The following CDC25C variants were observed in gnomAD, a reference collection of about 807,000 sequenced individuals.
The protein encoded by CDC25C is cell division cycle 25C.
A neutral mutation model predicts 52.5 loss-of-function variants in CDC25C; 48 were observed. The ratio of observed to expected loss-of-function variants is 0.91; its 90% CI spans 0.72 to 1.16. CDC25C has a LOEUF of 1.16. Ranked by LOEUF, CDC25C falls within the 50% of genes most tolerant of loss-of-function variation. CDC25C has a pLI of 0.00. For missense variants in CDC25C, 510 were observed against 566.1 expected (o/e 0.90, Z 1.01); for synonymous variants, 187 against 206.5 (o/e 0.91, Z 0.81).
Position 138,286,503 on chromosome 5 carries a change from G to A in CDC25C, c.1154C>T (p.Pro385Leu), listed in dbSNP as rs775024783. 1 of 1,610,774 alleles carries A rather than the reference G, an allele frequency of 6.2e-7. No homozygotes were observed. Among genetic ancestry groups the A allele is most frequent in the Admixed American group, 1.7e-5 (1 of 59,420 alleles). ...ACCCCATTTAGACACTCACATTCGGGGGCCCCTCTCTGAGGAGAATTCACA... is the reference window on the plus strand; with the variant it reads ...ACCCCATTTAGACACTCACATTCGGAGGCCCCTCTCTGAGGAGAATTCACA... ...FHCEFSSERG[P>L]RMCRCLREED... Residue 385 changes from proline (P) to leucine (L), a missense_variant, in exon 12 of 14, where the codon CCC becomes CTC. Coordinates refer to ENST00000323760, the MANE Select transcript of CDC25C (RefSeq NM_001790.5).
chr5:138,324,144 G>A (rs897183539), intron 6 of CDC25C, among the ~76,000 whole-genome samples: 4 of 151,436 alleles, frequency 2.6e-5, no homozygotes, highest in Non-Finnish European at 5.9e-5. Context: ...GGCAGCATGC[G>A]CCTGTAGTTC....
At chr5:138,305,090 T>G (rs984670749) in intron 7 of CDC25C, among the ~76,000 whole-genome samples, 4 of 152,182 alleles carry the variant, frequency 2.6e-5, no homozygotes, top group Admixed American at 2.6e-4. Flanking sequence ...CCTCTGTACC[T>G]GCAACATTCC....
chr5:138,326,166 C>T, intron 4 of CDC25C, 112 bp from the exon 5 acceptor site: 3 of 1,074,924 alleles, frequency 2.8e-6, no homozygotes, highest in Non-Finnish European at 4.3e-6. Flanking sequence ...AGCCCTATTC[C>T]TAGTTGATAT....
rs1405502161 is a variant in CDC25C at position 138,286,603 on chromosome 5, C to G, written c.1054G>C (p.Glu352Gln). 6.2e-7 allele frequency: 1 copy of G among 1,613,578 alleles called. No individual in the cohort carries two copies. The highest frequency in any genetic ancestry group is 8.5e-7 in the Non-Finnish European group (1 of 1,179,624). The change falls in exon 12 of 14, where the codon GAA (glutamate) becomes CAA (glutamine). Residue 352 changes from glutamate to glutamine, a missense_variant. Transcript: ENST00000323760. ...TTCTTCAGAAAGAAGTTAAACAGTT[C>G]TTCCTGACTATATAAGTTTAAGGCT... ...QGALNLYSQE[E>Q]LFNFFLKKPI...
chr5:138,322,578 C>T (rs1292438771), intron 6 of CDC25C, among the ~76,000 whole-genome samples: 1 of 146,632 alleles, frequency 6.8e-6, no homozygotes, highest in African/African-American at 2.5e-5. Context: ...CGGGTTCACG[C>T]CATTCTCCTG....
In CDC25C at chr5:138,325,311, G is replaced by A. The variant is rs566600869; in HGVS notation, c.459+504C>T. 3.3e-5 allele frequency among the ~76,000 whole-genome samples: 5 copies of A among 152,220 alleles called. No homozygotes were observed. In the East Asian group the frequency reaches 5.8e-4, roughly 18 times the overall value. ...TACAGAACTATCTTAGTGATGAGGT[G>A]GCTCCGGAGAGGCTAGATTTAACTT... On this transcript the variant is annotated intron_variant, in intron 6 of 13. Coordinates refer to ENST00000323760, the MANE Select transcript of CDC25C (RefSeq NM_001790.5).
chr5:138,320,195 C>T (rs943259257), intron 6 of CDC25C, among the ~76,000 whole-genome samples: 1 of 152,014 alleles, frequency 6.6e-6, no homozygotes, highest in South Asian at 2.1e-4. Flanking sequence ...ATCCCAGCTA[C>T]TTGGGAGGCT....
At chr5:138,316,587 T>C (rs1008073001) in intron 7 of CDC25C, among the ~76,000 whole-genome samples, 2 of 152,146 alleles carry the variant, frequency 1.3e-5, no homozygotes, top group Admixed American at 1.3e-4. Flanking sequence ...GGATTTGTGC[T>C]GCCTTTTCTC....
rs544955993 is a variant in CDC25C at position 138,326,262 on chromosome 5, G to T, written c.336-208C>A. 2.5e-4 allele frequency among the ~76,000 whole-genome samples: 38 copies of T among 152,132 alleles called. No individual in the cohort carries two copies. In the South Asian group the frequency reaches 7.1e-3, roughly 28 times the overall value. On this transcript the variant is annotated intron_variant, in intron 4 of 13. Coordinates refer to ENST00000323760, the MANE Select transcript of CDC25C (RefSeq NM_001790.5). ...ATCCTGGGGATAAGACCCTCATTTT[G>T]CCTGCATAACCATATAACATGTTCC... is the stretch of plus-strand genomic sequence containing the variant.
At position 138,338,194 on chromosome 5, in the gene CDC25C, C is replaced by G. The variant is rs965373389; in HGVS notation, c.-226G>C. On this transcript the variant is annotated 5_prime_UTR_variant, in exon 1 of 6. Coordinates refer to the CDC25C transcript ENST00000510119. ...GGATTCTGCGAGCCGGAGCTGTCCC[C>G]CTACTCTCCTCAGGGACTCGTTGGT... The G allele has an allele frequency of 3.1e-5, 40 of 1,284,942 alleles. No individual in the cohort carries two copies. In the African/African-American group the frequency reaches 5.2e-4, roughly 17 times the overall value. The allele number at this position is 1,284,942 out of a possible 1,614,324, so 79.6% of individuals were successfully genotyped here.
In CDC25C at chr5:138,285,714, A is replaced by G. The variant is rs150388880; in HGVS notation, c.1400T>C (p.Leu467Pro). ...ERQLREQIAL[L>P]VKDMSP Reference sequence around the variant, plus strand: ...TTATCATGGGCTCATGTCCTTCACCAGAAGGGCAATCTGCTCCCGCAGCTG... The same window carrying G: ...TTATCATGGGCTCATGTCCTTCACCGGAAGGGCAATCTGCTCCCGCAGCTG... Residue 467 changes from leucine to proline, a missense_variant, in exon 14 of 14, where the codon CTG becomes CCG. Leu to Pro is a moderately conservative substitution (Grantham distance 98, BLOSUM62 -3). Coordinates refer to ENST00000323760, the MANE Select transcript of CDC25C (RefSeq NM_001790.5). 2.4e-5 allele frequency: 39 copies of G among 1,614,018 alleles called. No individual in the cohort carries two copies. The highest frequency in any genetic ancestry group is 3.3e-5 in the Non-Finnish European group (39 of 1,179,996).
intron 11 of CDC25C, 150 bp from the exon 12 acceptor site, chr5:138,286,780 G>T: frequency 1.6e-6 from 1 of 641,836 alleles, no homozygotes; most frequent in Non-Finnish European, 2.6e-6. Context: ...GTATATCTCT[G>T]TATATACCCT....
At chr5:138,292,485 A>G (rs1446069258) in intron 7 of CDC25C, among the ~76,000 whole-genome samples, 1 of 150,780 alleles carries the variant, frequency 6.6e-6, no homozygotes, top group Admixed American at 6.6e-5. Flanking sequence ...GTGACCAAAA[A>G]AAAAAAAAAA....
chr5:138,333,633 C>T (rs1179742298), upstream of CDC25C: 1 of 152,178 alleles, frequency 6.6e-6, no homozygotes, highest in Non-Finnish European at 1.5e-5. Flanking sequence ...GTATACTTCC[C>T]TGCAGGTGGG....
intron 9 of CDC25C, 68 bp downstream of exon 9, chr5:138,290,571 C>T (rs1005786982): frequency 2.7e-5 from 24 of 897,938 alleles, no homozygotes; most frequent in Admixed American, 6.9e-5. Context: ...CAGGCATTCT[C>T]GGCAAACAGA....
chr5:138,316,317 C>T (rs1758867111), intron 7 of CDC25C, among the ~76,000 whole-genome samples: 1 of 152,206 alleles, frequency 6.6e-6, no homozygotes, highest in Admixed American at 6.5e-5. Flanking sequence ...TGTGTGTGCA[C>T]CCTCAGGGCA....
At chr5:138,322,616 C>A (rs1759522308) in intron 6 of CDC25C, among the ~76,000 whole-genome samples, 1 of 151,618 alleles carries the variant, frequency 6.6e-6, no homozygotes, top group African/African-American at 2.4e-5. Context: ...GCTGGGACTA[C>A]AGGCACCCGC....
Position 138,325,897 on chromosome 5 carries a change from A to G in CDC25C, c.377T>C (p.Leu126Pro), listed in dbSNP as rs1370440584. ...CAAACCATTCGGAGTGCTACAAAGA[A>G]GCTGTGCCTAAAAAAGAGAGTTTGC... is the stretch of plus-strand genomic sequence containing the variant. ...QHLMKCSPAQ[L>P]LCSTPNGLDR... is the part of the protein sequence containing the mutation. Residue 126 changes from leucine (L) to proline (P), a missense_variant, in exon 6 of 14, where the codon CTT becomes CCT. By Grantham distance (98) the Leu-to-Pro change is moderately conservative. Coordinates refer to ENST00000323760, the MANE Select transcript of CDC25C (RefSeq NM_001790.5). 1 of 1,614,012 alleles carries G rather than the reference A, an allele frequency of 6.2e-7. No homozygotes were observed. Among genetic ancestry groups the G allele is most frequent in the Admixed American group, 1.7e-5 (1 of 59,992 alleles).
chr5:138,307,578 G>A (rs1170877010), intron 7 of CDC25C, among the ~76,000 whole-genome samples: 2 of 149,304 alleles, frequency 1.3e-5, no homozygotes, highest in Non-Finnish European at 3.0e-5. Flanking sequence ...CTAAGAAAAT[G>A]AGCCCATAAA....
Sources: gnomAD v4.1 joint callset for allele counts (sites outside exome capture counted in the v4.1 genomes callset) on GRCh38, gnomAD v4.1.1 for gene constraint, MANE v1.5 for transcripts, NCBI Gene and HGNC (gene_info 2026-07-23, HGNC 2026-07-21) for gene names.